SYCP1: variants seen among roughly 807,000 people sequenced by gnomAD.
The protein encoded by SYCP1 is cancer/testis antigen 8.
SYCP1 carries 64 observed loss-of-function variants against 153.1 expected under a neutral mutation model. The ratio of observed to expected loss-of-function variants is 0.42; its 90% CI spans 0.34 to 0.51. The LOEUF (loss-of-function observed/expected upper bound fraction) is 0.51, where lower values mean the gene tolerates loss of function less well. Among genes scored for constraint, SYCP1 ranks in the 20% least tolerant of loss-of-function variants. The pLI is 0.06. For synonymous variants in SYCP1, 384 were observed against 341.8 expected (o/e 1.12, Z -1.36); for missense variants, 997 against 1,049.0 (o/e 0.95, Z 0.68).
chr1:114,935,386 C>T (rs1472401073), intron 23 of SYCP1, among the ~76,000 whole-genome samples: 1 of 152,244 alleles, frequency 6.6e-6, no homozygotes, highest in Non-Finnish European at 1.5e-5. Context: ...ATACCAGAAT[C>T]TCTGGGACAC....
At position 114,855,398 on chromosome 1, in the gene SYCP1, G is replaced by GA. The variant is rs200368422; in HGVS notation, c.-24-35dup. 5.0e-4 allele frequency: 616 copies of GA among 1,232,516 alleles called. 2 individuals are homozygous for GA. The African/African-American group carries it at 6.2e-3, about 12-fold the overall frequency. 76.3% of individuals were successfully genotyped at this position (1,232,516 alleles called of 1,614,324 possible). ...ACATAGTGTATTCATGACACTCGGT[G>GA]AAAAAAAACTTTCCTTCCCCTCCCG... On this transcript the variant is annotated intron_variant, in intron 1 of 31. Transcript: ENST00000369522.
intron 27 of SYCP1, among the ~76,000 whole-genome samples, chr1:114,965,962 C>T (rs559645038): frequency 9.2e-5 from 14 of 152,184 alleles, no homozygotes; most frequent in African/African-American, 3.1e-4. Flanking sequence ...GGCTGTGAAC[C>T]CATCTGGTCC....
chr1:114,934,797 A>G (rs1669882672), intron 23 of SYCP1, among the ~76,000 whole-genome samples: 1 of 152,222 alleles, frequency 6.6e-6, no homozygotes, highest in Admixed American at 6.5e-5. Flanking sequence ...AACAAAGATC[A>G]AAAGAGACAA....
intron 27 of SYCP1, among the ~76,000 whole-genome samples, chr1:114,959,510 C>T (rs1671650800): frequency 6.6e-6 from 1 of 152,042 alleles, no homozygotes; most frequent in Non-Finnish European, 1.5e-5. Flanking sequence ...TAGAAGCATA[C>T]ATTGTGTAAT....
chr1:114,860,645 A>C, intron 7 of SYCP1, 91 bp from the exon 8 acceptor site: 1 of 818,676 alleles, frequency 1.2e-6, no homozygotes, highest in South Asian at 1.9e-5. Context: ...AAAATTTCTT[A>C]AAAATTGTAA....
chr1:114,973,374 G>GT lies in SYCP1; in HGVS notation c.2323-4177dup, dbSNP rs548083874. Among the ~76,000 whole-genome samples the GT allele has an allele frequency of 1.2e-3, 188 of 152,002 alleles. 2 individuals carry two copies. Among genetic ancestry groups the GT allele is most frequent in the African/African-American group, 4.3e-3 (179 of 41,490 alleles). ...AGAGACCAAAATATAAACTTAAGTG[G>GT]TTTTTTCCTGCTGATCACTCATTAT... On this transcript the variant is annotated intron_variant, in intron 27 of 31. Transcript: ENST00000369522.
chr1:114,895,862 T>G (rs1357021893), intron 16 of SYCP1, among the ~76,000 whole-genome samples: 1 of 152,182 alleles, frequency 6.6e-6, no homozygotes, highest in Admixed American at 6.5e-5. Flanking sequence ...AGTACCTATA[T>G]TTAATGTTCA....
At chr1:114,897,170 T>C (rs1667130634) in intron 16 of SYCP1, among the ~76,000 whole-genome samples, 1 of 152,174 alleles carries the variant, frequency 6.6e-6, no homozygotes, top group Non-Finnish European at 1.5e-5. Context: ...AGGATAAGGA[T>C]AAGGACAAAG....
At chr1:114,866,774 C>T (rs74935781) in intron 8 of SYCP1, among the ~76,000 whole-genome samples, 6 of 150,672 alleles carry the variant, frequency 4.0e-5, no homozygotes, top group Middle Eastern at 6.9e-3. Flanking sequence ...AAAAAGTCAT[C>T]GTGATACCCA....
Position 114,908,655 on chromosome 1 carries a change from A to AT in SYCP1, c.1321-1733dup, listed in dbSNP as rs200510767. On this transcript the variant is annotated intron_variant, in intron 16 of 31. Coordinates refer to ENST00000369522, the MANE Select transcript of SYCP1 (RefSeq NM_003176.4). ...TTGTGCTCCCATGAGCATTCAATGAATTTTTTTTTACCAGCTCTAAAATTT... is the reference window on the plus strand; with the variant it reads ...TTGTGCTCCCATGAGCATTCAATGAATTTTTTTTTTACCAGCTCTAAAATTT... 1.1e-4 allele frequency among the ~76,000 whole-genome samples: 16 copies of AT among 151,374 alleles called. No individual in the cohort carries two copies. In the East Asian group the frequency reaches 1.4e-3, roughly 13 times the overall value.
At chr1:114,859,353 C>T (rs1355276935) in intron 6 of SYCP1, among the ~76,000 whole-genome samples, 1 of 152,154 alleles carries the variant, frequency 6.6e-6, no homozygotes, top group East Asian at 1.9e-4. Context: ...TCCCAAAGTG[C>T]TGGGATTACA....
intron 8 of SYCP1, among the ~76,000 whole-genome samples, chr1:114,866,903 T>C (rs1161642615): frequency 8.8e-6 from 1 of 114,122 alleles, no homozygotes; most frequent in Non-Finnish European, 2.0e-5. Context: ...GTCCAGATTC[T>C]TTTTTTTTTT....
intron 8 of SYCP1, among the ~76,000 whole-genome samples, chr1:114,872,986 T>TGTA (rs1196161332): frequency 6.6e-6 from 1 of 152,166 alleles, no homozygotes; most frequent in Non-Finnish European, 1.5e-5. Context: ...GGTTTTGATA[T>TGTA]GTAGCATTTT....
At chr1:114,984,947 A>C (rs1673401946) in intron 30 of SYCP1, 79 bp downstream of exon 30, 2 of 657,232 alleles carry the variant, frequency 3.0e-6, no homozygotes, top group Admixed American at 9.2e-5. Context: ...TACATGTATA[A>C]TATATTTACA....
At chr1:114,954,963 A>T (rs1030971857) in intron 27 of SYCP1, among the ~76,000 whole-genome samples, 1 of 152,330 alleles carries the variant, frequency 6.6e-6, no homozygotes, top group Admixed American at 6.5e-5. Context: ...GAGAGCATAC[A>T]TGCTTGCAGT....
chr1:114,883,450 T>A (rs1384165091), intron 12 of SYCP1, among the ~76,000 whole-genome samples: 7 of 152,334 alleles, frequency 4.6e-5, no homozygotes, highest in Admixed American at 4.6e-4. Flanking sequence ...TGTGAGGTCA[T>A]GTAACTTTAT....
chr1:114,950,889 A>G (rs1235014619), intron 27 of SYCP1, among the ~76,000 whole-genome samples: 2 of 150,832 alleles, frequency 1.3e-5, no homozygotes, highest in African/African-American at 4.9e-5. Flanking sequence ...CAGTGGTGCA[A>G]TCTCAGCTCA....
intron 23 of SYCP1, among the ~76,000 whole-genome samples, chr1:114,935,108 T>C (rs985227931): frequency 1.3e-5 from 2 of 152,180 alleles, no homozygotes; most frequent in African/African-American, 4.8e-5. Context: ...ATGTACATTA[T>C]TTTCAGCACC....
At chr1:114,953,047 A>G (rs189420090) in intron 27 of SYCP1, among the ~76,000 whole-genome samples, 3 of 152,324 alleles carry the variant, frequency 2.0e-5, no homozygotes, top group African/African-American at 7.2e-5. Flanking sequence ...GGTGGAAGAT[A>G]AAAAGGCAAA....
Sources: allele counts gnomAD v4.1 joint callset (sites outside exome capture counted in the v4.1 genomes callset), GRCh38; gene constraint gnomAD v4.1.1; transcripts MANE v1.5; gene names NCBI Gene and HGNC (gene_info 2026-07-23, HGNC 2026-07-21).